The following PTPRT variants were observed in gnomAD, a reference collection of about 807,000 sequenced individuals.
PTPRT encodes the protein protein tyrosine phosphatase receptor type T, also known as receptor-type tyrosine-protein phosphatase T.
Under a neutral mutation model 176.8 loss-of-function variants are expected in PTPRT, and 56 were observed. The observed-to-expected ratio is 0.32, with a 90% CI of 0.26 to 0.40. The LOEUF (loss-of-function observed/expected upper bound fraction) is 0.40. Among genes scored for constraint, PTPRT ranks in the 10% least tolerant of loss-of-function variants. The pLI, the probability that PTPRT is intolerant of heterozygous loss-of-function variation, is 1.00. For synonymous variants in PTPRT, 783 were observed against 739.0 expected (o/e 1.06, Z -0.96); for missense variants, 1,540 against 1,908.2 (o/e 0.81, Z 3.60).
At chr20:42,386,202 G>A (rs1324359467) in intron 9 of PTPRT, among the ~76,000 whole-genome samples, 1 of 152,184 alleles carries the variant, frequency 6.6e-6, no homozygotes, top group African/African-American at 2.4e-5. Flanking sequence ...AAGAGAAATG[G>A]GGCTGGAGAG....
intron 27 of PTPRT, among the ~76,000 whole-genome samples, chr20:42,097,976 G>A (rs553592096): frequency 1.5e-4 from 23 of 152,330 alleles, no homozygotes; most frequent in Non-Finnish European, 3.1e-4. Context: ...AGTGGGTAAT[G>A]TGTCCAAGGT....
At chr20:42,966,685 AAC>A (rs1341119358) in intron 1 of PTPRT, among the ~76,000 whole-genome samples, 52 of 152,336 alleles carry the variant, frequency 3.4e-4, no homozygotes, top group African/African-American at 1.2e-3. Flanking sequence ...CTTCCCCCGC[AAC>A]AGAGTTCTGC....
the PTPRT span, among the ~76,000 whole-genome samples, chr20:42,050,748 G>A: frequency 2.0e-5 from 3 of 152,160 alleles, no homozygotes; most frequent in Non-Finnish European, 2.9e-5. Flanking sequence ...CCTGAATCAC[G>A]GAGGCGGGTG....
intron 2 of PTPRT, among the ~76,000 whole-genome samples, chr20:42,824,863 T>A (rs1246378928): frequency 6.6e-6 from 1 of 152,006 alleles, no homozygotes; most frequent in Non-Finnish European, 1.5e-5. Flanking sequence ...AAAATGTAAG[T>A]ACCAGGTAAA....
At chr20:43,075,399 C>T (rs942971149) in intron 1 of PTPRT, among the ~76,000 whole-genome samples, 3 of 152,246 alleles carry the variant, frequency 2.0e-5, no homozygotes, top group Admixed American at 1.3e-4. Context: ...ATGAGGCATG[C>T]GCTGGCACGC....
intron 7 of PTPRT, among the ~76,000 whole-genome samples, chr20:42,590,739 A>T (rs142658236): frequency 2.0e-5 from 3 of 152,302 alleles, no homozygotes; most frequent in Non-Finnish European, 4.4e-5. Flanking sequence ...ATTTTGGGAA[A>T]ATAATGTAGC....
chr20:42,805,700 C>T (rs908759809), intron 2 of PTPRT, among the ~76,000 whole-genome samples: 3 of 152,100 alleles, frequency 2.0e-5, no homozygotes, highest in East Asian at 1.9e-4. Flanking sequence ...GCTCATCTTT[C>T]GAGGCTCTGA....
chr20:42,034,684 T>C, the PTPRT span, among the ~76,000 whole-genome samples: 1 of 152,134 alleles, frequency 6.6e-6, no homozygotes, highest in Non-Finnish European at 1.5e-5. Flanking sequence ...CCCAGTTATG[T>C]GTGTGGTGTG....
intron 1 of PTPRT, among the ~76,000 whole-genome samples, chr20:43,042,996 A>G (rs1402762301): frequency 6.6e-6 from 1 of 152,176 alleles, no homozygotes; most frequent in Non-Finnish European, 1.5e-5. Flanking sequence ...GTACTGGGCA[A>G]TAGCCCATGG....
At chr20:42,981,646 A>G (rs1983280522) in intron 1 of PTPRT, among the ~76,000 whole-genome samples, 1 of 152,234 alleles carries the variant, frequency 6.6e-6, no homozygotes, top group South Asian at 2.1e-4. Context: ...CAGAGATGTG[A>G]GCAGGGCACT....
chr20:42,853,960 C>T (rs959342310), intron 2 of PTPRT, among the ~76,000 whole-genome samples: 7 of 152,142 alleles, frequency 4.6e-5, no homozygotes, highest in African/African-American at 1.4e-4. Context: ...GGAAAATGGG[C>T]TAATTCTGTA....
chr20:42,614,934 T>TC (rs1184553078), intron 7 of PTPRT, among the ~76,000 whole-genome samples: 4 of 141,214 alleles, frequency 2.8e-5, no homozygotes, highest in Non-Finnish European at 6.1e-5. Context: ...TTTTTTTTTT[T>TC]CTATTTTTTT....
At chr20:43,077,854 T>G (rs1254252201) in intron 1 of PTPRT, among the ~76,000 whole-genome samples, 1 of 152,224 alleles carries the variant, frequency 6.6e-6, no homozygotes, top group East Asian at 1.9e-4. Context: ...TCAGGACCTT[T>G]GCTCATGCTG....
At chr20:42,275,525 T>G (rs2057014219) in intron 13 of PTPRT, among the ~76,000 whole-genome samples, 1 of 152,186 alleles carries the variant, frequency 6.6e-6, no homozygotes, top group African/African-American at 2.4e-5. Flanking sequence ...TTTTCTGAAC[T>G]CTATCAAACC....
At chr20:43,146,573 TCACCCCAAAA>T (rs1165162215) in intron 1 of PTPRT, among the ~76,000 whole-genome samples, 1 of 145,370 alleles carries the variant, frequency 6.9e-6, no homozygotes, top group Non-Finnish European at 1.5e-5. Flanking sequence ...AAAAAAAAAA[TCACCCCAAAA>T]CACATAAACT....
chr20:42,066,503 TATTC>T, the PTPRT span, among the ~76,000 whole-genome samples: 1 of 152,170 alleles, frequency 6.6e-6, no homozygotes, highest in African/African-American at 2.4e-5. Context: ...TTCTTCATAA[TATTC>T]ATAATATGAA....
chr20:42,956,318 C>A (rs1013144952), intron 1 of PTPRT, among the ~76,000 whole-genome samples: 12 of 152,148 alleles, frequency 7.9e-5, no homozygotes, highest in Non-Finnish European at 7.3e-5. Flanking sequence ...TCAGCACCTC[C>A]TTTTGGTGCT....
chr20:42,453,688 A>G (rs58338621), intron 8 of PTPRT, among the ~76,000 whole-genome samples: 65,166 of 142,732 alleles, frequency 0.46, 14,752 homozygotes, highest in Middle Eastern at 0.63. Flanking sequence ...TTTTTTTTTT[A>G]AGACAGAGTT....
intron 1 of PTPRT, among the ~76,000 whole-genome samples, chr20:42,964,949 T>C (rs981309822): frequency 6.6e-6 from 1 of 152,204 alleles, no homozygotes; most frequent in Non-Finnish European, 1.5e-5. Flanking sequence ...TTGATTTACA[T>C]TCTTAGTAAA....
Sources: allele counts gnomAD v4.1 joint callset (sites outside exome capture counted in the v4.1 genomes callset), GRCh38; gene constraint gnomAD v4.1.1; transcripts MANE v1.5; gene names NCBI Gene and HGNC (gene_info 2026-07-23, HGNC 2026-07-21).